The following ADORA1 variants were observed in gnomAD, a reference collection of about 807,000 sequenced individuals.
ADORA1 encodes the protein adenosine receptor A1.
In ADORA1, 6 loss-of-function variants were observed where a neutral mutation model predicts 19.9. That is an observed-to-expected ratio of 0.30 (90% confidence interval 0.17 to 0.59). ADORA1 has a LOEUF of 0.59. ADORA1 is among the 20% of genes least tolerant of loss of function. ADORA1 has a pLI of 0.87. For synonymous variants in ADORA1, 194 were observed against 188.4 expected (o/e 1.03, Z -0.24); for missense variants, 302 against 439.2 (o/e 0.69, Z 2.79).
At chr1:203,135,530 C>T (rs920459207) in intron 3 of ADORA1, among the ~76,000 whole-genome samples, 6 of 151,808 alleles carry the variant, frequency 4.0e-5, no homozygotes, top group East Asian at 1.9e-4. Context: ...TGGTGGTGCA[C>T]GACTGTAATC....
intron 3 of ADORA1, among the ~76,000 whole-genome samples, chr1:203,141,950 C>A (rs1212407422): frequency 1.3e-5 from 2 of 152,182 alleles, no homozygotes; most frequent in Admixed American, 1.3e-4. Context: ...TACAGAGACA[C>A]TCTAATGAAC....
chr1:203,161,003 C>T (rs1183075502), intron 3 of ADORA1, among the ~76,000 whole-genome samples: 1 of 152,256 alleles, frequency 6.6e-6, no homozygotes, highest in Non-Finnish European at 1.5e-5. Flanking sequence ...ATGGCTTTCT[C>T]TGCCCTGCCC....
At position 203,165,504 on chromosome 1, in the gene ADORA1, C is replaced by T. The variant is rs74912377; in HGVS notation, c.585C>T (p.Leu195=). 319 of 1,613,434 alleles carry T rather than the reference C, an allele frequency of 2.0e-4. No individual in the cohort carries two copies. In the African/African-American group the frequency reaches 4.0e-3, roughly 20 times the overall value. Residue 195 remains leucine (L), a synonymous_variant, in exon 4 of 4, where the codon CTC becomes CTT. Transcript: ENST00000337894. This position sits in a 1 kb window ranked among gnomAD's most constrained non-coding sequence, Gnocchi z 5.9. ...FFVWVLPPLL[L]MVLIYLEVFY... ...TGTGGGTGCTGCCCCCGCTTCTCCT[C>T]ATGGTCCTCATCTACCTGGAGGTCT... is the stretch of plus-strand genomic sequence containing the variant.
At chr1:203,139,651 G>T (rs1654616891) in intron 3 of ADORA1, among the ~76,000 whole-genome samples, 2 of 152,244 alleles carry the variant, frequency 1.3e-5, no homozygotes, top group Non-Finnish European at 2.9e-5. Context: ...CATTAACTCA[G>T]AATGGCAGAT....
chr1:203,134,151 T>C (rs550026285), intron 3 of ADORA1, among the ~76,000 whole-genome samples: 5 of 152,208 alleles, frequency 3.3e-5, no homozygotes, highest in African/African-American at 1.2e-4. Context: ...GAAACTGAGA[T>C]TGGAGAGAGG....
In ADORA1 at chr1:203,148,738, G is replaced by A. The variant is rs144295238; in HGVS notation, c.342-16523G>A. On this transcript the variant is annotated intron_variant, in intron 3 of 3. Transcript: ENST00000337894. ...GACTGTCAGTGTTTCTATCAACTGG[G>A]TGAAGGAAGCCACTCTATGCCTGTT... 5.6e-3 allele frequency among the ~76,000 whole-genome samples: 846 copies of A among 152,280 alleles called. 8 individuals are homozygous for A. Among genetic ancestry groups the A allele is most frequent in the Non-Finnish European group, 9.3e-3 (635 of 68,020 alleles).
At position 203,128,571 on chromosome 1, in the gene ADORA1, G is replaced by T. The variant is rs1654229506; in HGVS notation, c.-58+139G>T. The T allele has an allele frequency of 1.1e-6, 1 of 870,274 alleles. No individual in the cohort carries two copies. Among genetic ancestry groups the T allele is most frequent in the Non-Finnish European group, 1.7e-6 (1 of 598,362 alleles). The allele number at this position is 870,274 out of a possible 1,614,324, so 53.9% of individuals were successfully genotyped here. A position where few individuals can be genotyped will look rare whatever the true frequency, so the allele number is the denominator to read the frequency against. ...TAAAAAAGCCAGTGGAGGAGTGAGC[G>T]CTGCTATTTTAAGTTGCTGAATGGA... On this transcript the variant is annotated intron_variant, in intron 2 of 3. Coordinates refer to ENST00000337894, the MANE Select transcript of ADORA1 (RefSeq NM_000674.3). This position sits in a 1 kb window ranked among gnomAD's most constrained non-coding sequence, Gnocchi z 5.9.
At chr1:203,130,975 C>T (rs1654312912) in intron 3 of ADORA1, among the ~76,000 whole-genome samples, 1 of 152,150 alleles carries the variant, frequency 6.6e-6, no homozygotes, top group Admixed American at 6.5e-5. Context: ...TCTAGCTGTG[C>T]AAAAGTCACT....
intron 3 of ADORA1, among the ~76,000 whole-genome samples, chr1:203,141,546 G>T (rs974973545): frequency 5.5e-5 from 7 of 126,712 alleles, no homozygotes; most frequent in Non-Finnish European, 1.0e-4. Flanking sequence ...GGGACGGTCT[G>T]TTTGAAAAAA....
chr1:203,139,327 G>A (rs1304122118), intron 3 of ADORA1, among the ~76,000 whole-genome samples: 5 of 152,326 alleles, frequency 3.3e-5, no homozygotes, highest in East Asian at 1.9e-4. Context: ...ATCTGTGGGC[G>A]CAGATGCTGG....
At chr1:203,154,263 G>C (rs1655125708) in intron 3 of ADORA1, among the ~76,000 whole-genome samples, 1 of 152,178 alleles carries the variant, frequency 6.6e-6, no homozygotes, top group South Asian at 2.1e-4. Flanking sequence ...TAAGAGTTGG[G>C]TGGCTCACTC....
intron 3 of ADORA1, among the ~76,000 whole-genome samples, chr1:203,147,036 G>A (rs1558132341): frequency 6.6e-6 from 1 of 152,220 alleles, no homozygotes; most frequent in Non-Finnish European, 1.5e-5. Context: ...CAGGCCCAGA[G>A]GCAGAGGAGA....
At chr1:203,152,772 C>G (rs1655077568) in intron 3 of ADORA1, 1 of 152,120 alleles carries the variant, frequency 6.6e-6, no homozygotes, top group Non-Finnish European at 1.5e-5. Context: ...AGACACCCTC[C>G]TCCTTGAGGA....
At chr1:203,154,270 A>T (rs1655125890) in intron 3 of ADORA1, among the ~76,000 whole-genome samples, 1 of 152,046 alleles carries the variant, frequency 6.6e-6, no homozygotes, top group African/African-American at 2.4e-5. Context: ...TGGGTGGCTC[A>T]CTCGTACCTA....
chr1:203,136,599 C>G (rs924358465), intron 3 of ADORA1, among the ~76,000 whole-genome samples: 10 of 152,122 alleles, frequency 6.6e-5, no homozygotes, highest in Non-Finnish European at 1.0e-4. Context: ...GATGGATTCC[C>G]ACAGACCAAG....
At chr1:203,144,291 G>T (rs376075241) in intron 3 of ADORA1, among the ~76,000 whole-genome samples, 1 of 152,266 alleles carries the variant, frequency 6.6e-6, no homozygotes, top group East Asian at 1.9e-4. Flanking sequence ...ATTTGAAAGT[G>T]GGGTCCAAGC....
chr1:203,146,832 C>T lies in ADORA1; in HGVS notation c.341+17650C>T, dbSNP rs536841033. Among the ~76,000 whole-genome samples, 78 of 152,280 alleles carry T rather than the reference C, an allele frequency of 5.1e-4. No individual in the cohort carries two copies. The Middle Eastern group carries it at 0.01, about 20-fold the overall frequency. ...GAGTCTGCTGCCTCAATCACAAGTG[C>T]AGGGGAGCTACCTCAGGAGGTGTTG... On this transcript the variant is annotated intron_variant, in intron 3 of 3. Coordinates refer to ENST00000337894, the MANE Select transcript of ADORA1 (RefSeq NM_000674.3).
At chr1:203,140,645 C>T (rs1654651783) in intron 3 of ADORA1, among the ~76,000 whole-genome samples, 1 of 152,210 alleles carries the variant, frequency 6.6e-6, no homozygotes, top group Non-Finnish European at 1.5e-5. Flanking sequence ...GCAATCCAGA[C>T]ATTCCCAGGT....
At chr1:203,162,472 A>G (rs544886657) in intron 3 of ADORA1, among the ~76,000 whole-genome samples, 1 of 152,050 alleles carries the variant, frequency 6.6e-6, no homozygotes, top group Admixed American at 6.5e-5. Flanking sequence ...TCCTCTCTCC[A>G]TAGGTCATCA....
Sources: gnomAD v4.1 joint callset for allele counts (sites outside exome capture counted in the v4.1 genomes callset) on GRCh38, gnomAD v4.1.1 for gene constraint, Gnocchi (gnomAD v3.1) non-coding constraint, MANE v1.5 for transcripts, NCBI Gene and HGNC (gene_info 2026-07-23, HGNC 2026-07-21) for gene names.